NHSL1: variants seen among roughly 807,000 people sequenced by gnomAD.
The protein encoded by NHSL1 is NHS like 1, also known as NHS-like protein 1.
NHSL1 carries 48 observed loss-of-function variants against 95.0 expected under a neutral mutation model. The ratio of observed to expected loss-of-function variants is 0.51; its 90% CI spans 0.40 to 0.64. NHSL1 has a LOEUF of 0.64. Among genes scored for constraint, NHSL1 ranks in the 30% least tolerant of loss-of-function variants. The pLI, the probability that NHSL1 is intolerant of heterozygous loss-of-function variation, is 0.00. For synonymous variants in NHSL1, 783 were observed against 833.9 expected, an observed-to-expected ratio of 0.94 and a Z score of 1.05; for missense variants, 1,971 against 2,077.7, an observed-to-expected ratio of 0.95 and a Z score of 1.00.
At chr6:138,688,064 G>T (rs936495055) in intron 1 of NHSL1, among the ~76,000 whole-genome samples, 3 of 152,036 alleles carry the variant, frequency 2.0e-5, no homozygotes, top group Admixed American at 6.5e-5. Flanking sequence ...TCATTCTCAT[G>T]CCTCAGCCTC....
intron 1 of NHSL1, among the ~76,000 whole-genome samples, chr6:138,689,536 G>A (rs1009215622): frequency 3.3e-5 from 5 of 152,196 alleles, no homozygotes; most frequent in African/African-American, 1.2e-4. Context: ...TGCAAAGAGT[G>A]TTTATACATT....
At position 138,652,895 on chromosome 6, in the gene NHSL1, A is replaced by G. The variant is rs572110735; in HGVS notation, c.96+39581T>C. ...ACCTCCATTTATTATAATCACCAAC[A>G]GGTAATTTTCTAAGCAACATAAGAT... On this transcript the variant is annotated intron_variant, in intron 1 of 3. Coordinates refer to the NHSL1 transcript ENST00000491526. Among the ~76,000 whole-genome samples, 3 of 152,358 alleles carry G rather than the reference A, an allele frequency of 2.0e-5. No homozygotes were observed. In the East Asian group the frequency reaches 5.8e-4, roughly 29 times the overall value.
At chr6:138,487,263 C>T (rs7753434) in intron 2 of NHSL1, among the ~76,000 whole-genome samples, 18,619 of 152,004 alleles carry the variant, frequency 0.12, 1,549 homozygotes, top group African/African-American at 0.23. Flanking sequence ...TAATGGGGAG[C>T]TGGTAAAGAA....
At chr6:138,463,908 C>A (rs1778167250) in intron 3 of NHSL1, among the ~76,000 whole-genome samples, 1 of 152,184 alleles carries the variant, frequency 6.6e-6, no homozygotes, top group Non-Finnish European at 1.5e-5. Flanking sequence ...ACCTTCATAA[C>A]ACGTATCACC....
intron 1 of NHSL1, among the ~76,000 whole-genome samples, chr6:138,622,440 C>T (rs187200054): frequency 1.1e-3 from 170 of 152,106 alleles, no homozygotes; most frequent in African/African-American, 4.0e-3. Flanking sequence ...GAGCCAAGAT[C>T]GTACCACTGC....
rs1224828544 is a variant in NHSL1, at chr6:138,447,102, T to C, written c.431A>G (p.Gln144Arg). The C allele has an allele frequency of 1.3e-6, 2 of 1,551,688 alleles. No individual in the cohort carries two copies. Among genetic ancestry groups the C allele is most frequent in the African/African-American group, 2.7e-5 (2 of 73,050 alleles). ...ASSDFSDLNT[Q>R]TNWTKSLPLP... ...TGGAAGCGACTTGGTCCAGTTCGTC[T>C]GAGTATTAAGGTCGGAGAAGTCACT... is the stretch of plus-strand genomic sequence containing the variant. The change falls in exon 4 of 8, where the codon CAG becomes CGG. Residue 144 changes from glutamine to arginine, a missense_variant. By Grantham distance (43) the Gln-to-Arg change is conservative. Transcript: ENST00000343505.
intron 1 of NHSL1, among the ~76,000 whole-genome samples, chr6:138,642,807 C>G (rs1345558011): frequency 2.0e-5 from 3 of 151,964 alleles, no homozygotes; most frequent in African/African-American, 7.3e-5. Flanking sequence ...GTGATGTAGG[C>G]ACATGCAGAT....
intron 1 of NHSL1, chr6:138,545,538 A>G: frequency 1.0e-6 from 1 of 989,428 alleles, no homozygotes; most frequent in South Asian, 1.4e-5. Flanking sequence ...TACTGGAATC[A>G]GCTCTGTGAT....
chr6:138,483,923 C>G (rs187488005), intron 2 of NHSL1, among the ~76,000 whole-genome samples: 1 of 152,070 alleles, frequency 6.6e-6, no homozygotes, highest in African/African-American at 2.4e-5. Flanking sequence ...CATTGGTCAC[C>G]CAGGTAGATT....
intron 2 of NHSL1, among the ~76,000 whole-genome samples, chr6:138,478,641 C>T (rs889274746): frequency 6.6e-6 from 1 of 152,182 alleles, no homozygotes; most frequent in Non-Finnish European, 1.5e-5. Context: ...CAAAGCAGAG[C>T]ATAATTTAAA....
rs1192558022 is a variant in NHSL1 at position 138,626,705 on chromosome 6, A to G, written c.96+65771T>C. Among the ~76,000 whole-genome samples, 3 of 126,230 alleles carry G rather than the reference A, an allele frequency of 2.4e-5. 1 individual carries two copies. Among genetic ancestry groups the G allele is most frequent in the Non-Finnish European group, 4.9e-5 (3 of 61,314 alleles). The allele number at this position is 126,230 out of a possible 152,430, so 82.8% of individuals were successfully genotyped here. The stretch of plus-strand genomic sequence containing the variant: ...TCAGGAGATCGAGACCATCCCGGCT[A>G]AAACGGTGAAACCCCGTCTCTACTA... On this transcript the variant is annotated intron_variant, in intron 1 of 3. Transcript: ENST00000491526.
chr6:138,551,759 T>C (rs1464429990), intron 1 of NHSL1, among the ~76,000 whole-genome samples: 1 of 152,150 alleles, frequency 6.6e-6, no homozygotes, highest in African/African-American at 2.4e-5. Flanking sequence ...CCAGTCTCCA[T>C]TTTAGTGCCT....
intron 1 of NHSL1, among the ~76,000 whole-genome samples, chr6:138,526,583 C>A (rs1181405383): frequency 6.6e-6 from 1 of 152,190 alleles, no homozygotes; most frequent in Admixed American, 6.5e-5. Context: ...TTACCCAGAA[C>A]ACCTGTAAAT....
Position 138,431,730 on chromosome 6 carries a change from A to G in NHSL1, c.2615T>C (p.Val872Ala), listed in dbSNP as rs1775685107. The stretch of plus-strand genomic sequence containing the variant: ...CTTCCCCTTCCCGTTTGCTGGTGAC[A>G]CTGATTTTAAAAACACAGGCACAGG... ...LTPVPVFLKS[V>A]SPANGKGKPK... The change falls in exon 6 of 8, where the codon GTG becomes GCG. Residue 872 changes from valine to alanine, a missense_variant. Coordinates refer to ENST00000343505, the MANE Select transcript of NHSL1 (RefSeq NM_001144060.2). This position sits in a 1 kb window ranked among gnomAD's most constrained non-coding sequence, Gnocchi z 4.0. 6.4e-7 allele frequency: 1 copy of G among 1,551,622 alleles called. No individual in the cohort carries two copies. Among genetic ancestry groups the G allele is most frequent in the Non-Finnish European group, 8.7e-7 (1 of 1,146,988 alleles).
chr6:138,514,675 T>C (rs551598159), intron 1 of NHSL1, among the ~76,000 whole-genome samples: 34 of 152,200 alleles, frequency 2.2e-4, no homozygotes, highest in African/African-American at 7.0e-4. Flanking sequence ...CTCAGCACTT[T>C]AGGAGGCCGA....
intron 1 of NHSL1, among the ~76,000 whole-genome samples, chr6:138,586,994 A>C (rs1466920716): frequency 1.3e-5 from 2 of 151,394 alleles, no homozygotes; most frequent in Non-Finnish European, 2.9e-5. Context: ...TTGGGTGGGG[A>C]TGGAGTCTCG....
upstream of NHSL1, among the ~76,000 whole-genome samples, chr6:138,692,990 GA>G (rs1785705406): frequency 6.6e-6 from 1 of 151,190 alleles, no homozygotes; most frequent in African/African-American, 2.4e-5. This position sits in a 1 kb window ranked among gnomAD's most constrained non-coding sequence, Gnocchi z 4.0. Flanking sequence ...AATGGGGTCC[GA>G]GCCGTGGCTG....
intron 1 of NHSL1, among the ~76,000 whole-genome samples, chr6:138,643,906 G>C (rs546683927): frequency 6.6e-6 from 1 of 152,072 alleles, no homozygotes; most frequent in Admixed American, 6.5e-5. Flanking sequence ...GCTGAGGTAG[G>C]AGAATTGCTT....
At chr6:138,504,406 C>T (rs1780851807), upstream of NHSL1, among the ~76,000 whole-genome samples, 1 of 152,088 alleles carries the variant, frequency 6.6e-6, no homozygotes, top group African/African-American at 2.4e-5. Context: ...TTAAGTCTAG[C>T]GAGAGAGAGA....
Sources: gnomAD v4.1 joint callset for allele counts (sites outside exome capture counted in the v4.1 genomes callset) on GRCh38, gnomAD v4.1.1 for gene constraint, Gnocchi (gnomAD v3.1) non-coding constraint, MANE v1.5 for transcripts, NCBI Gene and HGNC (gene_info 2026-07-23, HGNC 2026-07-21) for gene names.